OSBPL10: variants seen among roughly 807,000 people sequenced by gnomAD.
The protein encoded by OSBPL10 is oxysterol-binding protein-related protein 10.
A neutral mutation model predicts 81.7 loss-of-function variants in OSBPL10; 49 were observed. That is an observed-to-expected ratio of 0.60 (90% confidence interval 0.48 to 0.76). The LOEUF (loss-of-function observed/expected upper bound fraction) is 0.76. OSBPL10 is among the 30% of genes least tolerant of loss of function. The pLI is 0.00. For missense variants in OSBPL10, 923 were observed against 987.8 expected (o/e 0.93, Z 0.88); for synonymous variants, 419 against 383.6 (o/e 1.09, Z -1.08).
chr3:32,021,442 A>G (rs1254103470), intron 2 of OSBPL10, among the ~76,000 whole-genome samples: 1 of 152,216 alleles, frequency 6.6e-6, no homozygotes, highest in African/African-American at 2.4e-5. Flanking sequence ...GCACCGTTTT[A>G]ACTTCCCACC....
chr3:31,805,191 C>T lies in OSBPL10; in HGVS notation c.729+24849G>A, dbSNP rs372162970. Among the ~76,000 whole-genome samples, 9 of 152,258 alleles carry T rather than the reference C, an allele frequency of 5.9e-5. No homozygotes were observed. In the East Asian group the frequency reaches 1.2e-3, roughly 20 times the overall value. On this transcript the variant is annotated intron_variant, in intron 4 of 11. Coordinates refer to ENST00000396556, the MANE Select transcript of OSBPL10 (RefSeq NM_017784.5). ...TCACGGAAGGTATTTCTGACTCCTC[C>T]TTTGAGATGAACCTTTAAAACAAAA...
At chr3:31,943,307 A>G (rs915723766) in intron 1 of OSBPL10, among the ~76,000 whole-genome samples, 1 of 152,242 alleles carries the variant, frequency 6.6e-6, no homozygotes, top group Non-Finnish European at 1.5e-5. Context: ...GAATAATGCT[A>G]CAATGAACCT....
intron 2 of OSBPL10, among the ~76,000 whole-genome samples, chr3:31,998,728 C>G (rs1189049983): frequency 6.6e-6 from 1 of 152,210 alleles, no homozygotes; most frequent in Non-Finnish European, 1.5e-5. Flanking sequence ...CTTTCCCTTT[C>G]TAGCTGTAGT....
chr3:31,727,350 A>G (rs1331695645), intron 6 of OSBPL10, among the ~76,000 whole-genome samples: 1 of 152,026 alleles, frequency 6.6e-6, no homozygotes, highest in East Asian at 1.9e-4. Flanking sequence ...TGACTCCTAA[A>G]GACTATTCTA....
chr3:31,797,995 G>A (rs1042775982), intron 4 of OSBPL10, among the ~76,000 whole-genome samples: 6 of 152,010 alleles, frequency 3.9e-5, no homozygotes, highest in Admixed American at 2.0e-4. Context: ...CTCTGGGTCC[G>A]GGCATAAGGA....
intron 4 of OSBPL10, among the ~76,000 whole-genome samples, chr3:31,779,654 G>A (rs2198760): frequency 0.98 from 150,037 of 152,338 alleles, 73,892 homozygotes; most frequent in East Asian, 1. Flanking sequence ...ATCAAGACAG[G>A]AAGTCAAAAA....
chr3:31,794,279 G>C (rs1206346088), intron 4 of OSBPL10, among the ~76,000 whole-genome samples: 1 of 152,134 alleles, frequency 6.6e-6, no homozygotes, highest in East Asian at 1.9e-4. Context: ...CGAGCAGCTG[G>C]GATTACAGGC....
At chr3:31,784,686 G>T (rs1369179443) in intron 4 of OSBPL10, among the ~76,000 whole-genome samples, 1 of 150,704 alleles carries the variant, frequency 6.6e-6, no homozygotes. Context: ...GGGTTCAAAT[G>T]ATTCTCTCAC....
intron 3 of OSBPL10, among the ~76,000 whole-genome samples, chr3:31,863,461 C>A (rs11921212): frequency 0.13 from 20,317 of 152,060 alleles, 3,221 homozygotes; most frequent in African/African-American, 0.38. Flanking sequence ...TTTTAAGAAA[C>A]GATAAGAGCC....
At chr3:31,893,497 CTT>C (rs1010341890) in intron 1 of OSBPL10, among the ~76,000 whole-genome samples, 1 of 152,168 alleles carries the variant, frequency 6.6e-6, no homozygotes, top group Non-Finnish European at 1.5e-5. Flanking sequence ...TGAAAATAAA[CTT>C]AACCTACAAC....
chr3:31,664,401 G>T, intron 10 of OSBPL10, 169 bp from the exon 11 acceptor site: 1 of 637,262 alleles, frequency 1.6e-6, no homozygotes, highest in Non-Finnish European at 2.7e-6. Context: ...TGAACCCAGG[G>T]CTACCCAGCT....
chr3:31,818,479 A>G (rs1222003422), intron 4 of OSBPL10, among the ~76,000 whole-genome samples: 3 of 152,192 alleles, frequency 2.0e-5, no homozygotes, highest in Non-Finnish European at 4.4e-5. Context: ...ACGCACATAC[A>G]CATCCTACTG....
chr3:31,823,221 T>C (rs1020461049), intron 4 of OSBPL10, among the ~76,000 whole-genome samples: 35 of 152,172 alleles, frequency 2.3e-4, no homozygotes, highest in African/African-American at 8.4e-4. Context: ...CATAGTTACC[T>C]AAGCAACCCT....
At chr3:31,826,198 A>T (rs888209057) in intron 4 of OSBPL10, among the ~76,000 whole-genome samples, 3 of 152,230 alleles carry the variant, frequency 2.0e-5, no homozygotes, top group African/African-American at 7.2e-5. Context: ...TTCTTACTAT[A>T]CATCACCAGA....
intron 2 of OSBPL10, among the ~76,000 whole-genome samples, chr3:32,026,366 G>C (rs1370816264): frequency 6.6e-6 from 1 of 152,052 alleles, no homozygotes; most frequent in East Asian, 1.9e-4. Flanking sequence ...TCAAACTCCT[G>C]GTGTCAAGCA....
chr3:31,911,501 C>T (rs2125693032), intron 1 of OSBPL10, among the ~76,000 whole-genome samples: 1 of 152,084 alleles, frequency 6.6e-6, no homozygotes, highest in Non-Finnish European at 1.5e-5. Context: ...TCAACATTCC[C>T]TCTACAACAG....
At chr3:31,994,139 A>G (rs1235552406) in intron 2 of OSBPL10, among the ~76,000 whole-genome samples, 3 of 152,370 alleles carry the variant, frequency 2.0e-5, no homozygotes, top group East Asian at 3.9e-4. Context: ...ACCACACACT[A>G]TATGATTTTC....
chr3:31,665,224 A>T lies in OSBPL10; in HGVS notation c.2097-992T>A, dbSNP rs115157108. ...ACACTCTGTTCTAGAGAGAAAGGAA[A>T]GGACCCATGATAAATCAGGACACCA... On this transcript the variant is annotated intron_variant, in intron 10 of 11. Transcript: ENST00000396556. Among the ~76,000 whole-genome samples, 592 of 152,338 alleles carry T rather than the reference A, an allele frequency of 3.9e-3. 6 individuals carry two copies. Among genetic ancestry groups the T allele is most frequent in the African/African-American group, 0.013 (548 of 41,576 alleles).
chr3:31,747,490 A>T (rs923438164), intron 5 of OSBPL10, among the ~76,000 whole-genome samples: 1 of 141,346 alleles, frequency 7.1e-6, no homozygotes, highest in African/African-American at 2.9e-5. Context: ...CTTCAAATAA[A>T]AAAAAAAAAA....
Sources: gnomAD v4.1 joint callset for allele counts (sites outside exome capture counted in the v4.1 genomes callset) on GRCh38, gnomAD v4.1.1 for gene constraint, MANE v1.5 for transcripts, NCBI Gene and HGNC (gene_info 2026-07-23, HGNC 2026-07-21) for gene names.